Variants in RAB38 observed in about 807,000 individuals in gnomAD.
RAB38 encodes the protein ras-related protein Rab-38.
In RAB38, 15 loss-of-function variants were observed where a neutral mutation model predicts 18.4. The observed-to-expected ratio is 0.82, with a 90% CI of 0.55 to 1.26. The LOEUF (loss-of-function observed/expected upper bound fraction) is 1.26, where lower values mean the gene tolerates loss of function less well. Ranked by LOEUF, RAB38 falls within the 50% of genes most tolerant of loss-of-function variation. The pLI is 0.00. For missense variants in RAB38, 294 were observed against 267.4 expected (o/e 1.10, Z -0.69); for synonymous variants, 101 against 104.4 (o/e 0.97, Z 0.20).
At chr11:88,077,316 A>G in the RAB38 span, among the ~76,000 whole-genome samples, 2 of 152,146 alleles carry the variant, frequency 1.3e-5, no homozygotes, top group Non-Finnish European at 2.9e-5. Flanking sequence ...ATTTATATGG[A>G]ATTACTAAAG....
chr11:87,839,040 G>T, the RAB38 span, among the ~76,000 whole-genome samples: 1 of 152,186 alleles, frequency 6.6e-6, no homozygotes, highest in Non-Finnish European at 1.5e-5. Context: ...CTTTAGTAAA[G>T]TGTGCTACTA....
At chr11:87,963,535 C>T in the RAB38 span, among the ~76,000 whole-genome samples, 1 of 152,056 alleles carries the variant, frequency 6.6e-6, no homozygotes, top group Admixed American at 6.6e-5. Context: ...ATTTTAACCA[C>T]CGCACTAACA....
chr11:87,886,916 G>A, the RAB38 span, among the ~76,000 whole-genome samples: 5 of 149,214 alleles, frequency 3.4e-5, no homozygotes, highest in Admixed American at 1.4e-4. Context: ...ATCAATGAAA[G>A]GTTATATCTG....
chr11:87,826,845 A>C, the RAB38 span, among the ~76,000 whole-genome samples: 1 of 152,110 alleles, frequency 6.6e-6, no homozygotes, highest in East Asian at 1.9e-4. Flanking sequence ...CCCTGACTCC[A>C]AGGCCTGGGT....
At chr11:88,027,920 C>A in the RAB38 span, among the ~76,000 whole-genome samples, 6 of 152,204 alleles carry the variant, frequency 3.9e-5, no homozygotes, top group African/African-American at 1.4e-4. Context: ...GGGCAGACTG[C>A]CTCCTCAAGT....
chr11:88,169,753 C>T (rs147856989), intron 1 of RAB38, among the ~76,000 whole-genome samples: 1 of 152,318 alleles, frequency 6.6e-6, no homozygotes, highest in Non-Finnish European at 1.5e-5. Flanking sequence ...GATTTAGTCT[C>T]AGAGAGTAGG....
chr11:88,026,738 T>C, the RAB38 span, among the ~76,000 whole-genome samples: 1 of 151,572 alleles, frequency 6.6e-6, no homozygotes, highest in Non-Finnish European at 1.5e-5. Context: ...AACTAGTAAA[T>C]GCAGAAGTTT....
chr11:87,977,953 A>T, the RAB38 span, among the ~76,000 whole-genome samples: 1 of 112,480 alleles, frequency 8.9e-6, no homozygotes, highest in South Asian at 2.6e-4. Context: ...TATTAATATA[A>T]TATATAAATA....
At chr11:88,088,265 C>G in the RAB38 span, among the ~76,000 whole-genome samples, 37 of 152,058 alleles carry the variant, frequency 2.4e-4, no homozygotes, top group East Asian at 4.1e-3. Context: ...AATTATTTAA[C>G]TATGTATTTG....
chr11:88,005,551 T>C, the RAB38 span, among the ~76,000 whole-genome samples: 1 of 151,396 alleles, frequency 6.6e-6, no homozygotes, highest in Non-Finnish European at 1.5e-5. Context: ...GGTTGTCTCT[T>C]TGCTCTGTTC....
At chr11:88,146,708 T>A (rs539622510) in intron 2 of RAB38, among the ~76,000 whole-genome samples, 2 of 152,352 alleles carry the variant, frequency 1.3e-5, no homozygotes, top group African/African-American at 4.8e-5. Flanking sequence ...AGTGTTGACT[T>A]TGAATACTAA....
downstream of RAB38, among the ~76,000 whole-genome samples, chr11:88,110,359 T>A (rs7929463): frequency 6.6e-6 from 1 of 151,622 alleles, no homozygotes; most frequent in African/African-American, 2.4e-5. Context: ...ACATCACACA[T>A]TGGGGCCTGT....
chr11:88,053,250 T>C, the RAB38 span, among the ~76,000 whole-genome samples: 1 of 131,066 alleles, frequency 7.6e-6, no homozygotes, highest in South Asian at 2.3e-4. Flanking sequence ...TACACACATA[T>C]ATATGGAATA....
the RAB38 span, among the ~76,000 whole-genome samples, chr11:87,859,496 T>C: frequency 1.3e-5 from 2 of 152,068 alleles, no homozygotes; most frequent in Non-Finnish European, 2.9e-5. Context: ...AGGTTTGTGA[T>C]TGTTTAAATT....
the RAB38 span, among the ~76,000 whole-genome samples, chr11:87,919,248 T>G: frequency 6.6e-6 from 1 of 152,022 alleles, no homozygotes; most frequent in African/African-American, 2.4e-5. Context: ...AGCTATTAAT[T>G]TTTTATATGG....
At chr11:88,166,742 C>T (rs1943249981) in intron 1 of RAB38, 1 of 151,934 alleles carries the variant, frequency 6.6e-6, no homozygotes. Flanking sequence ...AGGACATTTC[C>T]CAGTTTTCAT....
chr11:87,903,100 C>T, the RAB38 span, among the ~76,000 whole-genome samples: 2 of 151,136 alleles, frequency 1.3e-5, no homozygotes, highest in African/African-American at 2.4e-5. Context: ...ACTAGAATGT[C>T]TAATATGATG....
At chr11:87,851,904 G>C in the RAB38 span, among the ~76,000 whole-genome samples, 1 of 152,054 alleles carries the variant, frequency 6.6e-6, no homozygotes, top group Non-Finnish European at 1.5e-5. Flanking sequence ...ATTAACAGGA[G>C]AAAAACATAC....
chr11:87,851,419 C>G, the RAB38 span, among the ~76,000 whole-genome samples: 2 of 152,130 alleles, frequency 1.3e-5, no homozygotes, highest in Non-Finnish European at 2.9e-5. Flanking sequence ...ATTTTCAGAG[C>G]CTTTAGACTA....
Sources: allele counts gnomAD v4.1 joint callset (sites outside exome capture counted in the v4.1 genomes callset), GRCh38; gene constraint gnomAD v4.1.1; transcripts MANE v1.5; gene names NCBI Gene and HGNC (gene_info 2026-07-23, HGNC 2026-07-21).